The following NAA60 variants were observed in gnomAD, a reference collection of about 807,000 sequenced individuals.
NAA60 encodes the protein N-alpha-acetyltransferase 60, NatF catalytic subunit.
Under a neutral mutation model 26.1 loss-of-function variants are expected in NAA60, and 8 were observed. The ratio of observed to expected loss-of-function variants is 0.31; its 90% CI spans 0.18 to 0.55. The LOEUF (loss-of-function observed/expected upper bound fraction) is 0.55, where lower values mean the gene tolerates loss of function less well. Ranked by LOEUF, NAA60 falls within the 20% of genes least tolerant of loss-of-function variation. The pLI is 0.93. For missense variants in NAA60, 290 were observed against 311.3 expected, an observed-to-expected ratio of 0.93 and a Z score of 0.51; for synonymous variants, 131 against 122.5, an observed-to-expected ratio of 1.07 and a Z score of -0.46.
intron 2 of NAA60, 118 bp downstream of exon 2, chr16:3,448,658 A>C: frequency 1.2e-6 from 1 of 812,146 alleles, no homozygotes; most frequent in South Asian, 1.8e-5. Flanking sequence ...AATTTTTAGT[A>C]CTGAATGATA....
At chr16:3,458,618 C>G (rs945504422) in intron 2 of NAA60, among the ~76,000 whole-genome samples, 1 of 152,198 alleles carries the variant, frequency 6.6e-6, no homozygotes, top group African/African-American at 2.4e-5. Context: ...CTGGCCTGGT[C>G]AGGGCCTGTT....
intron 4 of NAA60, among the ~76,000 whole-genome samples, 196 bp from the exon 5 acceptor site, chr16:3,482,306 T>G (rs1462486137): frequency 6.6e-6 from 1 of 152,218 alleles, no homozygotes; most frequent in Non-Finnish European, 1.5e-5. Context: ...CAGCTGTTTT[T>G]CACCAGAAGG....
chr16:3,475,264 A>AT (rs1287157009), intron 2 of NAA60, among the ~76,000 whole-genome samples: 1 of 150,140 alleles, frequency 6.7e-6, no homozygotes, highest in Non-Finnish European at 1.5e-5. Context: ...TAATTTTTGT[A>AT]TTTTTTGTAG....
intron 5 of NAA60, chr16:3,482,947 G>A (rs2036939155): frequency 6.2e-6 from 3 of 480,650 alleles, no homozygotes; most frequent in South Asian, 2.4e-5. Context: ...AGTAGAAAGC[G>A]TGAACACGCA....
intron 2 of NAA60, chr16:3,458,273 G>T: frequency 3.6e-6 from 3 of 838,690 alleles, no homozygotes; most frequent in African/African-American, 1.8e-5. Context: ...GGGGTCAGGG[G>T]GGCCAGCGCC....
chr16:3,453,482 C>T (rs988946133), intron 2 of NAA60, among the ~76,000 whole-genome samples: 1 of 152,120 alleles, frequency 6.6e-6, no homozygotes, highest in Non-Finnish European at 1.5e-5. Flanking sequence ...GATCTCAGCT[C>T]ACCACAACCT....
Position 3,482,546 on chromosome 16 carries a change from C to A in NAA60, c.285C>A (p.Val95=). The change falls in exon 5 of 8, where the codon GTC becomes GTA. Residue 95 remains valine (V), a synonymous_variant. Coordinates refer to ENST00000407558, the MANE Select transcript of NAA60 (RefSeq NM_001083601.3). ...CCAACTTCTCTGTTGACACACAAGTCGCGTACATCCTAAGTCTGGGCGTCG... is the reference window on the plus strand; with the variant it reads ...CCAACTTCTCTGTTGACACACAAGTAGCGTACATCCTAAGTCTGGGCGTCG... ...LASNFSVDTQ[V]AYILSLGVVK... 1 of 1,609,184 alleles carries A rather than the reference C, an allele frequency of 6.2e-7. No homozygotes were observed. The highest frequency in any genetic ancestry group is 8.5e-7 in the Non-Finnish European group (1 of 1,177,838).
chr16:3,458,021 G>A (rs1240737308), intron 2 of NAA60: 3 of 985,246 alleles, frequency 3.0e-6, no homozygotes, highest in African/African-American at 1.7e-5. Context: ...CAGGGAGCGG[G>A]AGGCGGAAGT....
chr16:3,448,765 C>T (rs2034654412), intron 2 of NAA60: 1 of 444,142 alleles, frequency 2.3e-6, no homozygotes. Flanking sequence ...TACAAGTATG[C>T]CAGCCTCTTT....
At chr16:3,460,554 C>T (rs1022900396) in intron 2 of NAA60, among the ~76,000 whole-genome samples, 2 of 152,240 alleles carry the variant, frequency 1.3e-5, no homozygotes, top group South Asian at 4.1e-4. Flanking sequence ...TTGGTGGAGA[C>T]GGGGTTTTGC....
intron 2 of NAA60, among the ~76,000 whole-genome samples, chr16:3,469,719 C>G (rs898817131): frequency 6.6e-6 from 1 of 152,260 alleles, no homozygotes; most frequent in Admixed American, 6.5e-5. Context: ...TATCAGCACT[C>G]TTGTCCCTGT....
chr16:3,478,446 T>C (rs1386017114), intron 3 of NAA60, among the ~76,000 whole-genome samples: 2 of 152,168 alleles, frequency 1.3e-5, no homozygotes, highest in Non-Finnish European at 2.9e-5. Context: ...AGGTCTCAGG[T>C]TCCCAAGACT....
At position 3,485,582 on chromosome 16, in the gene NAA60, G is replaced by C; in HGVS notation, c.*322G>C. The C allele has an allele frequency of 2.2e-6, 1 of 455,726 alleles. No homozygotes were observed. The highest frequency in any genetic ancestry group is 4.4e-6 in the Non-Finnish European group (1 of 226,480). The allele number at this position is 455,726 out of a possible 1,614,324, so 28.2% of individuals were successfully genotyped here. ...AGTGTGGCTGCATTCACTGGGAGGGGCCTGCCCTCACTGGGCCTCTCCCAC... is the reference window on the plus strand; with the variant it reads ...AGTGTGGCTGCATTCACTGGGAGGGCCCTGCCCTCACTGGGCCTCTCCCAC... On this transcript the variant is annotated 3_prime_UTR_variant, in exon 8 of 8. Coordinates refer to ENST00000407558, the MANE Select transcript of NAA60 (RefSeq NM_001083601.3).
chr16:3,446,041 C>G lies in NAA60; in HGVS notation c.-77+2204C>G, dbSNP rs145711831. Among the ~76,000 whole-genome samples the G allele has an allele frequency of 2.8e-3, 425 of 152,292 alleles. 1 individual carries two copies. Among genetic ancestry groups the G allele is most frequent in the Non-Finnish European group, 4.7e-3 (317 of 68,016 alleles). ...TGTTCAAGTAACATGTTTTAATCAT[C>G]AAAATTTAAAAATCCTTCCACGACA... On this transcript the variant is annotated intron_variant, in intron 1 of 7. Coordinates refer to ENST00000407558, the MANE Select transcript of NAA60 (RefSeq NM_001083601.3).
chr16:3,463,711 A>G (rs2035562427), intron 2 of NAA60, among the ~76,000 whole-genome samples: 1 of 152,060 alleles, frequency 6.6e-6, no homozygotes, highest in African/African-American at 2.4e-5. Flanking sequence ...CTTAAAAAAA[A>G]AAAAAAAATT....
chr16:3,482,031 C>T (rs1281998201), intron 4 of NAA60, among the ~76,000 whole-genome samples: 2 of 152,082 alleles, frequency 1.3e-5, no homozygotes, highest in Non-Finnish European at 2.9e-5. Context: ...GTTGGACGGC[C>T]GCCCAAGTCT....
chr16:3,485,101 C>T lies in NAA60; in HGVS notation c.*206+40C>T, dbSNP rs762010969. On this transcript the variant is annotated intron_variant, in intron 7 of 7. Transcript: ENST00000407558. ...ACACAAAGGTATGGGAGCTTGGTGCCTCCAGCCACAAAAGTGGAAGGCCCT... is the reference window on the plus strand; with the variant it reads ...ACACAAAGGTATGGGAGCTTGGTGCTTCCAGCCACAAAAGTGGAAGGCCCT... 7 of 1,243,760 alleles carry T rather than the reference C, an allele frequency of 5.6e-6. No individual in the cohort carries two copies. In the Admixed American group the frequency reaches 7.9e-5, roughly 14 times the overall value. The allele number at this position is 1,243,760 out of a possible 1,614,324, so 77.0% of individuals were successfully genotyped here.
At chr16:3,463,171 A>G (rs914023783) in intron 2 of NAA60, among the ~76,000 whole-genome samples, 1 of 152,110 alleles carries the variant, frequency 6.6e-6, no homozygotes, top group Non-Finnish European at 1.5e-5. Flanking sequence ...AATGGGTAAC[A>G]CTACTCATAA....
intron 1 of NAA60, 91 bp from the exon 2 acceptor site, chr16:3,448,380 C>A (rs1423478503): frequency 2.3e-5 from 23 of 1,012,308 alleles, no homozygotes; most frequent in Non-Finnish European, 3.3e-5. Context: ...ACTCTGAGAT[C>A]CAGGGTTTGT....
Sources: allele counts gnomAD v4.1 joint callset (sites outside exome capture counted in the v4.1 genomes callset), GRCh38; gene constraint gnomAD v4.1.1; transcripts MANE v1.5; gene names NCBI Gene and HGNC (gene_info 2026-07-23, HGNC 2026-07-21).